Variants in FEZ1 observed in about 807,000 individuals in gnomAD.
FEZ1 encodes the protein fasciculation and elongation protein zeta-1.
A neutral mutation model predicts 49.3 loss-of-function variants in FEZ1; 20 were observed. The observed-to-expected ratio is 0.41, with a 90% confidence interval of 0.29 to 0.59. The LOEUF is 0.59. FEZ1 is among the 20% of genes least tolerant of loss of function. The probability of loss-of-function intolerance (pLI) is 0.36; values close to 1 mark genes in which losing one functional copy is unlikely to be tolerated. For synonymous variants in FEZ1, 170 were observed against 180.9 expected (o/e 0.94, Z 0.48); for missense variants, 413 against 476.0 (o/e 0.87, Z 1.23).
In FEZ1 at chr11:125,489,367, A is replaced by G. The variant is rs1957358791; in HGVS notation, c.311+100T>C. 6.7e-7 allele frequency: 1 copy of G among 1,501,784 alleles called. No homozygotes were observed. The allele number at this position is 1,501,784 out of a possible 1,614,324, so 93.0% of individuals were successfully genotyped here. A position where few individuals can be genotyped will look rare whatever the true frequency, so the allele number is the denominator to read the frequency against. On this transcript the variant is annotated intron_variant, in intron 2 of 9. Coordinates refer to ENST00000278919, the MANE Select transcript of FEZ1 (RefSeq NM_005103.5). This position sits in a 1 kb window ranked among gnomAD's most constrained non-coding sequence, Gnocchi z 4.2. Reference sequence around the variant, plus strand: ...CGCTGGCAACACGAAAATGAAAGTAATAGCCCATAAACCTATAGACAGAAA... The same window carrying G: ...CGCTGGCAACACGAAAATGAAAGTAGTAGCCCATAAACCTATAGACAGAAA...
chr11:125,453,546 C>T (rs886546978), intron 7 of FEZ1: 2 of 152,288 alleles, frequency 1.3e-5, no homozygotes, highest in African/African-American at 4.8e-5. Flanking sequence ...AGATTATACA[C>T]TCCATGAGGA....
chr11:125,490,771 C>T (rs1304181002), intron 1 of FEZ1, among the ~76,000 whole-genome samples: 4 of 152,006 alleles, frequency 2.6e-5, no homozygotes, highest in Admixed American at 6.6e-5. Context: ...GTTTTTGTTT[C>T]GTTTCGCTTT....
rs1275566723 is a variant in FEZ1 at position 125,457,441 on chromosome 11, T to TATAC, written c.668-1336_668-1335insGTAT. Reference sequence around the variant, plus strand: ...AAAAAAAAAAAAAAATATATATATATATATATATATGTATATATACACATA... The same window carrying TATAC: ...AAAAAAAAAAAAAAATATATATATATATACATATATATATGTATATATACACATA... On this transcript the variant is annotated intron_variant, in intron 5 of 9. Transcript: ENST00000278919. Among the ~76,000 whole-genome samples the TATAC allele has an allele frequency of 5.1e-5, 4 of 79,172 alleles. 1 individual carries two copies. Among genetic ancestry groups the TATAC allele is most frequent in the Non-Finnish European group, 1.0e-4 (4 of 39,144 alleles). The allele number at this position is 79,172 out of a possible 152,430, so 51.9% of individuals were successfully genotyped here.
intron 3 of FEZ1, among the ~76,000 whole-genome samples, chr11:125,481,022 G>C (rs924964864): frequency 2.1e-4 from 32 of 149,456 alleles, no homozygotes; most frequent in Admixed American, 1.9e-3. Flanking sequence ...CTGGGCAACA[G>C]AGCGAGATTC....
At chr11:125,453,179 A>G (rs1226737068) in intron 7 of FEZ1, 1 of 152,186 alleles carries the variant, frequency 6.6e-6, no homozygotes, top group African/African-American at 2.4e-5. Context: ...CTGGTCTCGA[A>G]TTCCTGACTT....
chr11:125,493,100 G>A (rs992882367), intron 1 of FEZ1, among the ~76,000 whole-genome samples: 3 of 151,674 alleles, frequency 2.0e-5, no homozygotes, highest in Non-Finnish European at 2.9e-5. Context: ...GCTGAGGTGC[G>A]TGGATCACCT....
At chr11:125,450,961 T>C (rs1056203717) in intron 8 of FEZ1, among the ~76,000 whole-genome samples, 36 of 152,142 alleles carry the variant, frequency 2.4e-4, no homozygotes, top group African/African-American at 8.2e-4. Flanking sequence ...TTTAATGAAC[T>C]TAAAAAATGT....
intron 1 of FEZ1, among the ~76,000 whole-genome samples, chr11:125,493,374 G>GA (rs1453071066): frequency 9.2e-4 from 32 of 34,766 alleles, no homozygotes; most frequent in South Asian, 3.7e-3. Context: ...AAGAAAGAAA[G>GA]AAAGAAAGAA....
rs564769731 is a variant in FEZ1, at chr11:125,481,578, C to A, written c.367G>T (p.Asp123Tyr). The A allele has an allele frequency of 1.9e-6, 3 of 1,613,608 alleles. No individual in the cohort carries two copies. In the South Asian group the frequency reaches 3.3e-5, roughly 18 times the overall value. The change falls in exon 3 of 10, where the codon GAT becomes TAT. Residue 123 changes from aspartate (D) to tyrosine (Y), a missense_variant. Transcript: ENST00000278919. ...YIPSLSEDWRDPNIEALNGNC... is the reference protein window; with the variant it reads ...YIPSLSEDWRYPNIEALNGNC... ...CCATTCAGAGCCTCGATGTTTGGATCCCTCCAGTCTTCTGAGAGTGAAGGG... is the reference window on the plus strand; with the variant it reads ...CCATTCAGAGCCTCGATGTTTGGATACCTCCAGTCTTCTGAGAGTGAAGGG...
At chr11:125,463,383 A>G in intron 4 of FEZ1, 101 bp downstream of exon 4, 1 of 721,770 alleles carries the variant, frequency 1.4e-6, no homozygotes, top group South Asian at 1.6e-5. Flanking sequence ...ATGACCACAT[A>G]TCTTTCTTCT....
intron 3 of FEZ1, among the ~76,000 whole-genome samples, chr11:125,474,239 C>A (rs1035363435): frequency 6.8e-6 from 1 of 148,066 alleles, no homozygotes; most frequent in Non-Finnish European, 1.5e-5. Flanking sequence ...AGGGTTTCAC[C>A]GTGTTAGCCA....
At chr11:125,460,424 C>T (rs1957062668) in intron 5 of FEZ1, 74 bp downstream of exon 5, 1 of 1,400,986 alleles carries the variant, frequency 7.1e-7, no homozygotes, top group Non-Finnish European at 9.8e-7. Context: ...TAGCCATGTA[C>T]AAAGCACACA....
chr11:125,457,114 C>T (rs186705069), intron 5 of FEZ1, among the ~76,000 whole-genome samples: 1 of 151,364 alleles, frequency 6.6e-6, no homozygotes, highest in African/African-American at 2.4e-5. Flanking sequence ...ACCTGAGAGG[C>T]GGAGGTTGCA....
chr11:125,479,385 A>G (rs879815764), intron 3 of FEZ1, among the ~76,000 whole-genome samples: 1 of 152,216 alleles, frequency 6.6e-6, no homozygotes, highest in Admixed American at 6.5e-5. Flanking sequence ...ATCCAACTCT[A>G]TCACTTGCTG....
chr11:125,471,593 G>A (rs1438578291), intron 3 of FEZ1, among the ~76,000 whole-genome samples: 2 of 152,020 alleles, frequency 1.3e-5, no homozygotes, highest in Non-Finnish European at 2.9e-5. Flanking sequence ...TCAGGGAGAT[G>A]TACTCAGAGC....
At chr11:125,478,819 A>G (rs564243878) in intron 3 of FEZ1, among the ~76,000 whole-genome samples, 1 of 152,346 alleles carries the variant, frequency 6.6e-6, no homozygotes, top group South Asian at 2.1e-4. Context: ...TCTGGAAATG[A>G]GGATAAATTA....
rs2079507130 is a variant in FEZ1 at position 125,456,112 on chromosome 11, G to T, written c.668-6C>A. The T allele has an allele frequency of 6.3e-7, 1 of 1,575,112 alleles. No homozygotes were observed. Among genetic ancestry groups the T allele is most frequent in the Admixed American group, 1.8e-5 (1 of 55,014 alleles). On this transcript the variant is annotated splice_region_variant and splice_polypyrimidine_tract_variant and intron_variant, in intron 5 of 9. Transcript: ENST00000278919. ...CCCAGACATGTGCCTCAGCCCTGCA[G>T]GGGAAGACCGTCTCCCGCATAACAC...
intron 8 of FEZ1, 144 bp downstream of exon 8, chr11:125,452,190 G>C: frequency 6.0e-6 from 4 of 661,400 alleles, no homozygotes; most frequent in East Asian, 2.6e-5. Flanking sequence ...TGTGCGGGAG[G>C]ATGTGACGCA....
At chr11:125,474,835 C>T (rs1389054460) in intron 3 of FEZ1, among the ~76,000 whole-genome samples, 1 of 152,120 alleles carries the variant, frequency 6.6e-6, no homozygotes, top group Non-Finnish European at 1.5e-5. Flanking sequence ...TTGCAGTGAG[C>T]TGAGATTGCA....
Sources: allele counts gnomAD v4.1 joint callset (sites outside exome capture counted in the v4.1 genomes callset), GRCh38; gene constraint gnomAD v4.1.1; non-coding constraint Gnocchi (gnomAD v3.1); transcripts MANE v1.5; gene names NCBI Gene and HGNC (gene_info 2026-07-23, HGNC 2026-07-21).